Variants in SLFN12L observed in about 807,000 individuals in gnomAD.
SLFN12L encodes the protein schlafen family member 12 like.
SLFN12L carries 34 observed loss-of-function variants against 34.8 expected under a neutral mutation model. That is an observed-to-expected ratio of 0.98 (90% confidence interval 0.74 to 1.30). SLFN12L has a LOEUF of 1.30. Ranked by LOEUF, SLFN12L falls within the 50% of genes most tolerant of loss-of-function variation. The probability of loss-of-function intolerance (pLI) is 0.00; values close to 1 mark genes in which losing one functional copy is unlikely to be tolerated. For synonymous variants in SLFN12L, 259 were observed against 247.5 expected, an observed-to-expected ratio of 1.05 and a Z score of -0.44; for missense variants, 703 against 696.2, an observed-to-expected ratio of 1.01 and a Z score of -0.11.
chr17:35,478,831 G>T (rs777640026), intron 3 of SLFN12L, among the ~76,000 whole-genome samples: 19 of 152,154 alleles, frequency 1.2e-4, no homozygotes, highest in Non-Finnish European at 2.5e-4. Flanking sequence ...AAAACGAAAA[G>T]AATTGAACAG....
chr17:35,514,881 G>A, intron 2 of SLFN12L: 1 of 408,622 alleles, frequency 2.4e-6, no homozygotes, highest in Non-Finnish European at 4.8e-6. Flanking sequence ...TGTAACACTT[G>A]CAGTAACCAC....
At chr17:35,518,640 AC>A (rs1254557201) in intron 2 of SLFN12L, among the ~76,000 whole-genome samples, 1 of 152,164 alleles carries the variant, frequency 6.6e-6, no homozygotes, top group Non-Finnish European at 1.5e-5. Flanking sequence ...AATCAAAACC[AC>A]AATGAGATAG....
chr17:35,492,839 G>A (rs963343037), intron 2 of SLFN12L, among the ~76,000 whole-genome samples: 2 of 152,094 alleles, frequency 1.3e-5, no homozygotes, highest in African/African-American at 2.4e-5. Context: ...GAGGGGGTCA[G>A]ATAAAGAACA....
intron 4 of SLFN12L, among the ~76,000 whole-genome samples, chr17:35,475,927 T>TC (rs1913982819): frequency 8.1e-5 from 12 of 147,658 alleles, no homozygotes; most frequent in South Asian, 2.2e-4. Flanking sequence ...ATATATATTT[T>TC]TTTAAATTTA....
At chr17:35,502,416 G>GAAAAAAA (rs1161388791) in intron 2 of SLFN12L, among the ~76,000 whole-genome samples, 274 of 25,260 alleles carry the variant, frequency 0.011, 20 homozygotes, top group South Asian at 0.021. Context: ...GTATCCTAAG[G>GAAAAAAA]AAAAAAAAAA....
intron 2 of SLFN12L, among the ~76,000 whole-genome samples, chr17:35,500,818 C>T (rs547249090): frequency 6.6e-6 from 1 of 152,290 alleles, no homozygotes; most frequent in South Asian, 2.1e-4. Context: ...TGAAAATCCC[C>T]TGTGCTGTTG....
chr17:35,530,154 T>C (rs1483924111), intron 1 of SLFN12L, among the ~76,000 whole-genome samples: 1 of 141,264 alleles, frequency 7.1e-6, no homozygotes, highest in Non-Finnish European at 1.5e-5. Context: ...GAGACCATCC[T>C]GGCCAACATG....
Position 35,474,687 on chromosome 17 carries a change from C to T in SLFN12L, c.*236G>A, listed in dbSNP as rs1225264231. On this transcript the variant is annotated 3_prime_UTR_variant, in exon 5 of 5. Coordinates refer to ENST00000628453, the MANE Select transcript of SLFN12L (RefSeq NM_001363830.2). ...CTGTACTCCTAGCACTTTGGGAGACCGGGGGGGGGGGTTGAATCACGAGGT... is the reference window on the plus strand; with the variant it reads ...CTGTACTCCTAGCACTTTGGGAGACTGGGGGGGGGGGTTGAATCACGAGGT... 1.0e-4 allele frequency: 27 copies of T among 269,894 alleles called. 1 individual carries two copies. The Admixed American group carries it at 1.4e-3, about 14-fold the overall frequency. 16.7% of individuals were successfully genotyped at this position (269,894 alleles called of 1,614,324 possible).
chr17:35,508,424 G>A (rs1465426577), intron 2 of SLFN12L, among the ~76,000 whole-genome samples: 1 of 152,188 alleles, frequency 6.6e-6, no homozygotes, highest in Non-Finnish European at 1.5e-5. Context: ...TCAGCTCACT[G>A]CAATGTCCGC....
At chr17:35,523,663 C>T (rs141257359) in intron 1 of SLFN12L, among the ~76,000 whole-genome samples, 3 of 152,252 alleles carry the variant, frequency 2.0e-5, no homozygotes, top group East Asian at 1.9e-4. Flanking sequence ...AGGCTGGGTG[C>T]GGTGGCTCAC....
intron 2 of SLFN12L, among the ~76,000 whole-genome samples, chr17:35,521,730 C>A (rs1318459810): frequency 6.6e-6 from 1 of 152,110 alleles, no homozygotes; most frequent in East Asian, 1.9e-4. Flanking sequence ...TTTAAATTAT[C>A]CAGGCATGAT....
intron 2 of SLFN12L, among the ~76,000 whole-genome samples, chr17:35,484,144 G>A (rs1217255394): frequency 2.0e-5 from 3 of 152,150 alleles, no homozygotes; most frequent in African/African-American, 7.2e-5. Flanking sequence ...TTGCATAGGT[G>A]TGCTCTGAGA....
At chr17:35,504,074 A>C (rs578177686) in intron 2 of SLFN12L, among the ~76,000 whole-genome samples, 1 of 152,354 alleles carries the variant, frequency 6.6e-6, no homozygotes, top group Non-Finnish European at 1.5e-5. Flanking sequence ...TAACATAACC[A>C]AGTCAATTTT....
intron 2 of SLFN12L, among the ~76,000 whole-genome samples, chr17:35,496,266 A>T (rs1275362467): frequency 6.6e-6 from 1 of 151,962 alleles, no homozygotes; most frequent in Non-Finnish European, 1.5e-5. Flanking sequence ...GGCGAATCTT[A>T]TGAGCCCAGG....
At chr17:35,524,666 A>G (rs1438510333) in intron 1 of SLFN12L, among the ~76,000 whole-genome samples, 1 of 152,242 alleles carries the variant, frequency 6.6e-6, no homozygotes, top group African/African-American at 2.4e-5. Flanking sequence ...ACAAACAGAA[A>G]GGACTAGCAC....
chr17:35,509,128 T>A (rs1367291884), intron 2 of SLFN12L, among the ~76,000 whole-genome samples: 1 of 152,178 alleles, frequency 6.6e-6, no homozygotes, highest in African/African-American at 2.4e-5. Context: ...GTGTCTTATA[T>A]GAGCAATTAT....
chr17:35,499,510 G>A (rs182832494), intron 2 of SLFN12L, among the ~76,000 whole-genome samples: 49 of 152,300 alleles, frequency 3.2e-4, no homozygotes, highest in Admixed American at 1.4e-3. Context: ...TTATGTGTGC[G>A]TACATTTGCT....
At chr17:35,536,861 A>G (rs529313907) in intron 1 of SLFN12L, among the ~76,000 whole-genome samples, 3 of 151,740 alleles carry the variant, frequency 2.0e-5, no homozygotes, top group African/African-American at 7.2e-5. Context: ...TGATGAAGCA[A>G]TCAGCTAACT....
At chr17:35,481,587 C>T (rs147692435) in intron 2 of SLFN12L, among the ~76,000 whole-genome samples, 1 of 152,386 alleles carries the variant, frequency 6.6e-6, no homozygotes, top group Admixed American at 6.5e-5. Flanking sequence ...CCTTACCTAT[C>T]ACTGGAGATG....
Sources: allele counts gnomAD v4.1 joint callset (sites outside exome capture counted in the v4.1 genomes callset), GRCh38; gene constraint gnomAD v4.1.1; transcripts MANE v1.5; gene names NCBI Gene and HGNC (gene_info 2026-07-23, HGNC 2026-07-21).